Variants in PLCE1 observed in about 807,000 individuals in gnomAD.
PLCE1 encodes the protein 1-phosphatidylinositol 4,5-bisphosphate phosphodiesterase epsilon-1.
A neutral mutation model predicts 242.8 loss-of-function variants in PLCE1; 119 were observed. The observed-to-expected ratio is 0.49, with a 90% CI of 0.42 to 0.57. PLCE1 has a LOEUF of 0.57. Ranked by LOEUF, PLCE1 falls within the 20% of genes least tolerant of loss-of-function variation. PLCE1 has a pLI of 0.00. For missense variants in PLCE1, 2,441 were observed against 2,788.8 expected, an observed-to-expected ratio of 0.88 and a Z score of 2.81; for synonymous variants, 945 against 1,017.4, an observed-to-expected ratio of 0.93 and a Z score of 1.35.
chr10:94,068,419 A>T (rs1192420993), intron 2 of PLCE1, among the ~76,000 whole-genome samples: 1 of 152,260 alleles, frequency 6.6e-6, no homozygotes. Context: ...TAATACAAAT[A>T]AAACAATGCA....
At chr10:94,045,113 G>C (rs1245406081) in intron 2 of PLCE1, among the ~76,000 whole-genome samples, 2 of 152,042 alleles carry the variant, frequency 1.3e-5, no homozygotes, top group Non-Finnish European at 2.9e-5. Context: ...CAGTCCTCCT[G>C]CTTCAGCCTC....
At chr10:94,059,496 G>A (rs1236713150) in intron 2 of PLCE1, among the ~76,000 whole-genome samples, 1 of 152,076 alleles carries the variant, frequency 6.6e-6, no homozygotes, top group Non-Finnish European at 1.5e-5. Flanking sequence ...ATACGGGGAG[G>A]GGGTGTGTGT....
rs60746182 is a variant in PLCE1, at chr10:94,075,778, A to G, written c.1206+43526A>G. Among the ~76,000 whole-genome samples the G allele has an allele frequency of 7.5e-4, 114 of 152,374 alleles. 1 individual carries two copies. The highest frequency in any genetic ancestry group is 2.7e-3 in the African/African-American group (112 of 41,596). On this transcript the variant is annotated intron_variant, in intron 2 of 32. Transcript: ENST00000371380. The stretch of plus-strand genomic sequence containing the variant: ...AGACCTGCAGCATGACCTGGGTCAC[A>G]TTCAGAATGCGTTCTGCTGTTCAGA...
At chr10:94,210,319 T>C (rs985062458) in intron 4 of PLCE1, among the ~76,000 whole-genome samples, 5 of 152,068 alleles carry the variant, frequency 3.3e-5, no homozygotes, top group Non-Finnish European at 7.4e-5. Flanking sequence ...ACCCTTTCTC[T>C]ACAAAAAAAG....
chr10:94,235,373 A>ACAGCTCT (rs1589394779), intron 6 of PLCE1, among the ~76,000 whole-genome samples: 1 of 152,336 alleles, frequency 6.6e-6, no homozygotes, highest in East Asian at 1.9e-4. Flanking sequence ...TATCCCAGAC[A>ACAGCTCT]CAGCTCTCAC....
At position 94,031,156 on chromosome 10, in the gene PLCE1, A is replaced by G. The variant is rs763517011; in HGVS notation, c.110A>G (p.Asn37Ser). Reference sequence around the variant, plus strand: ...AGTAGTGAAAAGGTCTCAGACATCAATATTTCAAAAGCACATACTGTCAGA... The same window carrying G: ...AGTAGTGAAAAGGTCTCAGACATCAGTATTTCAAAAGCACATACTGTCAGA... ...DESSEKVSDI[N>S]ISKAHTVRRS... is the part of the protein sequence containing the mutation. Residue 37 changes from asparagine to serine, a missense_variant, in exon 2 of 33, where the codon AAT becomes AGT. Around this residue, in one of 5 missense-constraint regions of PLCE1, gnomAD observed 393 missense variants for 378.5 expected, o/e 1.04. Coordinates refer to ENST00000371380, the MANE Select transcript of PLCE1 (RefSeq NM_016341.4). The G allele has an allele frequency of 9.3e-6, 15 of 1,613,848 alleles. No homozygotes were observed. Among genetic ancestry groups the G allele is most frequent in the Non-Finnish European group, 1.3e-5 (15 of 1,179,848 alleles).
At chr10:94,273,886 A>C (rs1304886363) in intron 19 of PLCE1, among the ~76,000 whole-genome samples, 166 bp downstream of exon 19, 1 of 152,196 alleles carries the variant, frequency 6.6e-6, no homozygotes, top group East Asian at 1.9e-4. Context: ...TAGACCAATA[A>C]ATTCTCTCAT....
At chr10:94,221,612 G>A (rs980685050) in intron 4 of PLCE1, among the ~76,000 whole-genome samples, 20 of 152,208 alleles carry the variant, frequency 1.3e-4, no homozygotes, top group Non-Finnish European at 4.4e-5. Context: ...GCGCATGCCT[G>A]TAATTCCAGC....
At chr10:94,273,109 T>C (rs61886339) in intron 18 of PLCE1, among the ~76,000 whole-genome samples, 37,500 of 152,126 alleles carry the variant, frequency 0.25, 5,025 homozygotes, top group Middle Eastern at 0.35. Context: ...CTCAAAATCT[T>C]TGTGAGAATT....
intron 2 of PLCE1, among the ~76,000 whole-genome samples, chr10:94,032,708 CA>C (rs1175169423): frequency 6.6e-6 from 1 of 151,940 alleles, no homozygotes; most frequent in East Asian, 1.9e-4. Flanking sequence ...ATTCCTTTGG[CA>C]AAGTGATGAA....
At chr10:94,241,975 A>G (rs1303419401) in intron 7 of PLCE1, among the ~76,000 whole-genome samples, 3 of 152,164 alleles carry the variant, frequency 2.0e-5, no homozygotes, top group Non-Finnish European at 4.4e-5. Flanking sequence ...CTTCACCATT[A>G]TTCTATGAGA....
At chr10:94,227,594 C>A in intron 5 of PLCE1, 143 bp downstream of exon 5, 1 of 861,928 alleles carries the variant, frequency 1.2e-6, no homozygotes, top group East Asian at 2.4e-5. Flanking sequence ...TATCTTCTTT[C>A]AGCACCAAAG....
At chr10:94,085,961 A>G (rs994071298) in intron 2 of PLCE1, among the ~76,000 whole-genome samples, 1 of 152,210 alleles carries the variant, frequency 6.6e-6, no homozygotes, top group African/African-American at 2.4e-5. Flanking sequence ...GAGAATTTGC[A>G]TGTTCAAAAT....
rs780397243 is a variant in PLCE1, at chr10:94,031,764, T to C, written c.718T>C (p.Leu240=). The part of the protein sequence containing the change: ...YVAYTCKLME[L]AKNCDNKNEQ... Reference sequence around the variant, plus strand: ...GGCATATACCTGTAAACTGATGGAATTGGCCAAAAATTGTGATAATAAGAA... The same window carrying C: ...GGCATATACCTGTAAACTGATGGAACTGGCCAAAAATTGTGATAATAAGAA... The change falls in exon 2 of 33, where the codon TTG becomes CTG. Residue 240 remains leucine (L), a synonymous_variant. Transcript: ENST00000371380. 1 of 1,613,632 alleles carries C rather than the reference T, an allele frequency of 6.2e-7. No individual in the cohort carries two copies. Among genetic ancestry groups the C allele is most frequent in the South Asian group, 1.1e-5 (1 of 91,072 alleles).
chr10:94,181,525 G>A (rs915477391), intron 4 of PLCE1, among the ~76,000 whole-genome samples: 19 of 151,326 alleles, frequency 1.3e-4, no homozygotes, highest in African/African-American at 4.1e-4. Flanking sequence ...GCAGTGAGCC[G>A]AGATCACACC....
intron 4 of PLCE1, among the ~76,000 whole-genome samples, chr10:94,182,094 G>GTTTT (rs550150974): frequency 4.6e-5 from 6 of 131,368 alleles, no homozygotes; most frequent in African/African-American, 1.7e-4. Flanking sequence ...TTTTCTTTCT[G>GTTTT]TTTTTTTTTT....
At position 94,194,281 on chromosome 10, in the gene PLCE1, A is replaced by G. The variant is rs574918231; in HGVS notation, c.1809+22785A>G. Among the ~76,000 whole-genome samples the G allele has an allele frequency of 2.0e-5, 3 of 152,310 alleles. No homozygotes were observed. The South Asian group carries it at 6.2e-4, about 32-fold the overall frequency. On this transcript the variant is annotated intron_variant, in intron 4 of 32. Coordinates refer to ENST00000371380, the MANE Select transcript of PLCE1 (RefSeq NM_016341.4). ...GGAATTACACAACAACTATTAACAA[A>G]TGGTTACATTCATTCATTTGCTTTT... is the stretch of plus-strand genomic sequence containing the variant.
At position 94,280,049 on chromosome 10, in the gene PLCE1, C is replaced by T. The variant is rs536966416; in HGVS notation, c.4795+138C>T. On this transcript the variant is annotated intron_variant, in intron 20 of 32. Coordinates refer to ENST00000371380, the MANE Select transcript of PLCE1 (RefSeq NM_016341.4). ...AATATTGTCCAGGAGTTTCTGAATT[C>T]AGTCACTTAGCAAGGACCGAGGAAG... 37 of 903,574 alleles carry T rather than the reference C, an allele frequency of 4.1e-5. No homozygotes were observed. The South Asian group carries it at 4.9e-4, about 12-fold the overall frequency. The allele number at this position is 903,574 out of a possible 1,614,324, so 56.0% of individuals were successfully genotyped here. A position where few individuals can be genotyped will look rare whatever the true frequency, so the allele number is the denominator to read the frequency against.
chr10:94,192,121 A>G (rs936278112), intron 4 of PLCE1, among the ~76,000 whole-genome samples: 3 of 152,252 alleles, frequency 2.0e-5, no homozygotes, highest in African/African-American at 7.2e-5. Context: ...GCTAATTAAC[A>G]TATCCGTCAC....
Sources: gnomAD v4.1 joint callset for allele counts (sites outside exome capture counted in the v4.1 genomes callset) on GRCh38, gnomAD v4.1.1 for gene constraint, gnomAD v4.1.1 regional missense constraint, MANE v1.5 for transcripts, NCBI Gene and HGNC (gene_info 2026-07-23, HGNC 2026-07-21) for gene names.